The following HMG20B variants were observed in gnomAD, a reference collection of about 807,000 sequenced individuals.
HMG20B encodes SWI/SNF-related matrix-associated actin-dependent regulator of chromatin subfamily E member 1-related.
Under a neutral mutation model 41.6 loss-of-function variants are expected in HMG20B, and 24 were observed. That is an observed-to-expected ratio of 0.58 (90% CI 0.42 to 0.81). The LOEUF (loss-of-function observed/expected upper bound fraction) is 0.81. Among genes scored for constraint, HMG20B ranks in the 30% least tolerant of loss-of-function variants. HMG20B has a pLI of 0.00. For missense variants in HMG20B, 461 were observed against 444.0 expected (o/e 1.04, Z -0.34); for synonymous variants, 251 against 186.6 (o/e 1.34, Z -2.81).
At chr19:3,573,460 C>T (rs2032084672) in intron 2 of HMG20B, 113 bp downstream of exon 2, 1 of 1,172,242 alleles carries the variant, frequency 8.5e-7, no homozygotes, top group South Asian at 1.6e-5. Flanking sequence ...CCACCTGGGT[C>T]AGGGGGCTTC....
chr19:3,577,861 G>A lies in HMG20B; in HGVS notation c.809-120G>A, dbSNP rs1457019525. On this transcript the variant is annotated intron_variant, in intron 8 of 9. Coordinates refer to ENST00000333651, the MANE Select transcript of HMG20B (RefSeq NM_006339.3). ...CACCCTGCGCCGCTCCTGCGCTGGC[G>A]GTGTCCGGACCTCTGAGCGCCCGCG... is the stretch of plus-strand genomic sequence containing the variant. The A allele has an allele frequency of 5.7e-6, 5 of 869,762 alleles. No homozygotes were observed. The African/African-American group carries it at 6.9e-5, about 12-fold the overall frequency. The allele number at this position is 869,762 out of a possible 1,614,324, so 53.9% of individuals were successfully genotyped here.
At position 3,574,594 on chromosome 19, in the gene HMG20B, GGGCGGGGCGCCGAGCAGGGCT is replaced by G. The variant is rs1568271837; in HGVS notation, c.351+16_351+36del. On this transcript the variant is annotated intron_variant, in intron 4 of 9. Coordinates refer to ENST00000333651, the MANE Select transcript of HMG20B (RefSeq NM_006339.3). The stretch of plus-strand genomic sequence containing the variant: ...CAGCCAACGGAAAAGCAGGTGGGCG[GGGCGGGGCGCCGAGCAGGGCT>G]GGCGGGGTCCACGGACTACCCCCCA... 1 of 1,583,708 alleles carries G rather than the reference GGGCGGGGCGCCGAGCAGGGCT, an allele frequency of 6.3e-7. No homozygotes were observed. Among genetic ancestry groups the G allele is most frequent in the Non-Finnish European group, 8.6e-7 (1 of 1,168,110 alleles).
In HMG20B at chr19:3,575,520, C is replaced by T. The variant is rs750095954; in HGVS notation, c.352-20C>T. The T allele has an allele frequency of 6.4e-7, 1 of 1,561,802 alleles. No individual in the cohort carries two copies. Among genetic ancestry groups the T allele is most frequent in the Admixed American group, 1.9e-5 (1 of 52,362 alleles). ...GTTGGAGGCTTCCCCTGCTTCAAGC[C>T]TTCTGGTGCTGCCCCCCAGCGGTAC... is the stretch of plus-strand genomic sequence containing the variant. On this transcript the variant is annotated intron_variant, in intron 4 of 9. Coordinates refer to ENST00000333651, the MANE Select transcript of HMG20B (RefSeq NM_006339.3).
Position 3,578,807 on chromosome 19 carries a change from GGGCCAC to G in HMG20B, c.*287_*292del. 1.4e-6 allele frequency: 1 copy of G among 708,552 alleles called. No individual in the cohort carries two copies. Among genetic ancestry groups the G allele is most frequent in the Admixed American group, 1.8e-5 (1 of 54,302 alleles). 43.9% of individuals were successfully genotyped at this position (708,552 alleles called of 1,614,324 possible). A position where few individuals can be genotyped will look rare whatever the true frequency, so the allele number is the denominator to read the frequency against. On this transcript the variant is annotated 3_prime_UTR_variant, in exon 10 of 10. Coordinates refer to ENST00000333651, the MANE Select transcript of HMG20B (RefSeq NM_006339.3). Reference sequence around the variant, plus strand: ...CAGCCACGCGCTACACTGGCTCTCCGGGCCACCCCCAGGACACAGGGCAGACGAAAC... The same window carrying G: ...CAGCCACGCGCTACACTGGCTCTCCGCCCCAGGACACAGGGCAGACGAAAC...
At position 3,578,503 on chromosome 19, in the gene HMG20B, T is replaced by A; in HGVS notation, c.942-6T>A. On this transcript the variant is annotated splice_region_variant and splice_polypyrimidine_tract_variant and intron_variant, in intron 9 of 9. Coordinates refer to ENST00000333651, the MANE Select transcript of HMG20B (RefSeq NM_006339.3). Reference sequence around the variant, plus strand: ...CCTCATCCCGGGCCCTCCTCTCTCGTTTCAGCGAGCACCTGTGAGGAGTGG... The same window carrying A: ...CCTCATCCCGGGCCCTCCTCTCTCGATTCAGCGAGCACCTGTGAGGAGTGG... The A allele has an allele frequency of 6.5e-7, 1 of 1,547,622 alleles. No homozygotes were observed. Among genetic ancestry groups the A allele is most frequent in the South Asian group, 1.2e-5 (1 of 82,590 alleles).
intron 8 of HMG20B, among the ~76,000 whole-genome samples, chr19:3,577,597 C>T (rs1196589039): frequency 7.4e-6 from 1 of 134,954 alleles, no homozygotes; most frequent in African/African-American, 2.9e-5. Context: ...TCCCATTCAC[C>T]CCACCTCCCC....
rs768347917 is a variant in HMG20B, at chr19:3,576,413, G to A, written c.519+106G>A. ...CGCCCAGATGTGTGCAAGCAGGGGC[G>A]GTGCCACTGCACCGTGGGATCGCTG... On this transcript the variant is annotated intron_variant, in intron 6 of 9. Coordinates refer to ENST00000333651, the MANE Select transcript of HMG20B (RefSeq NM_006339.3). The A allele has an allele frequency of 1.8e-5, 25 of 1,352,626 alleles. 1 individual carries two copies. Among genetic ancestry groups the A allele is most frequent in the South Asian group, 8.2e-5 (7 of 85,608 alleles). The allele number at this position is 1,352,626 out of a possible 1,614,324, so 83.8% of individuals were successfully genotyped here. A position where few individuals can be genotyped will look rare whatever the true frequency, so the allele number is the denominator to read the frequency against.
intron 7 of HMG20B, 81 bp downstream of exon 7, chr19:3,576,706 C>A: frequency 7.3e-7 from 1 of 1,368,284 alleles, no homozygotes; most frequent in Non-Finnish European, 1.0e-6. Flanking sequence ...GGCCCCAAGA[C>A]TGCAGGAGGC....
Position 3,577,084 on chromosome 19 carries a change from G to A in HMG20B, c.785G>A (p.Ser262Asn), listed in dbSNP as rs1420407810. Residue 262 changes from serine to asparagine, a missense_variant, in exon 8 of 10, where the codon AGC (serine) becomes AAC (asparagine). Ser to Asn is a conservative substitution (Grantham distance 46). Around this residue, in one of 3 missense-constraint regions of HMG20B, gnomAD observed 308 missense variants for 283.4 expected, o/e 1.09. Transcript: ENST00000333651. The part of the protein sequence containing the change: ...LQAVRQALTA[S>N]FASLPVPGTG... Reference sequence around the variant, plus strand: ...GCCGTGCGCCAGGCGCTCACCGCCAGCTTCGCCTCACTGCCGGTGCCGGGT... The same window carrying A: ...GCCGTGCGCCAGGCGCTCACCGCCAACTTCGCCTCACTGCCGGTGCCGGGT... 4 of 1,538,642 alleles carry A rather than the reference G, an allele frequency of 2.6e-6. No individual in the cohort carries two copies. The African/African-American group carries it at 4.1e-5, about 16-fold the overall frequency.
intron 7 of HMG20B, 55 bp from the exon 8 acceptor site, chr19:3,576,837 C>G: frequency 6.5e-7 from 1 of 1,536,830 alleles, no homozygotes; most frequent in Non-Finnish European, 8.8e-7. Flanking sequence ...GGGCAAAAGC[C>G]CGGAGGTAGG....
At chr19:3,574,660 G>A in intron 4 of HMG20B, 74 bp downstream of exon 4, 2 of 1,326,660 alleles carry the variant, frequency 1.5e-6, no homozygotes, top group Non-Finnish European at 2.0e-6. Context: ...ACCCCCAAAG[G>A]ATTCCACGTG....
In HMG20B at chr19:3,576,546, G is replaced by A; in HGVS notation, c.520-7G>A. On this transcript the variant is annotated splice_polypyrimidine_tract_variant and splice_region_variant and intron_variant, in intron 6 of 9. Coordinates refer to ENST00000333651, the MANE Select transcript of HMG20B (RefSeq NM_006339.3). ...CAGTAAATTGCCACCTTGTCCCTTCGTCTTAGGGTGGGGACTGCGATGGCT... is the reference window on the plus strand; with the variant it reads ...CAGTAAATTGCCACCTTGTCCCTTCATCTTAGGGTGGGGACTGCGATGGCT... 6.2e-7 allele frequency: 1 copy of A among 1,612,058 alleles called. No individual in the cohort carries two copies. The highest frequency in any genetic ancestry group is 8.5e-7 in the Non-Finnish European group (1 of 1,178,868).
Position 3,578,753 on chromosome 19 carries a change from C to T in HMG20B, c.*232C>T. 1.3e-6 allele frequency: 1 copy of T among 759,878 alleles called. No homozygotes were observed. The highest frequency in any genetic ancestry group is 2.4e-6 in the Non-Finnish European group (1 of 424,320). The allele number at this position is 759,878 out of a possible 1,614,324, so 47.1% of individuals were successfully genotyped here. On this transcript the variant is annotated 3_prime_UTR_variant, in exon 10 of 10. Transcript: ENST00000333651. ...CTGCGCGATACACCCAGAAGAACCT[C>T]ACAGCCGAGGGTGCCCCTCCTCGGA...
chr19:3,575,943 CAAAAA>C (rs71166913), intron 5 of HMG20B: 104 of 289,372 alleles, frequency 3.6e-4, no homozygotes, highest in Middle Eastern at 9.8e-4. Flanking sequence ...GACTCCGTCT[CAAAAA>C]AAAAAAAAAA....
chr19:3,578,282 G>A (rs2032217446), intron 9 of HMG20B, 169 bp downstream of exon 9: 6 of 1,151,586 alleles, frequency 5.2e-6, no homozygotes, highest in Non-Finnish European at 7.2e-6. Context: ...TGCTAGGATG[G>A]CCATGGAGAA....
At chr19:3,578,336 A>G (rs1376263425) in intron 9 of HMG20B, 173 bp from the exon 10 acceptor site, 1 of 1,165,920 alleles carries the variant, frequency 8.6e-7, no homozygotes, top group Non-Finnish European at 1.2e-6. Context: ...GAACTTCCCT[A>G]AAGCTTCTCA....
At chr19:3,573,986 C>T (rs1355695084) in intron 3 of HMG20B, 186 bp downstream of exon 3, 2 of 708,382 alleles carry the variant, frequency 2.8e-6, no homozygotes, top group Non-Finnish European at 5.1e-6. Context: ...AAGTCCAGGC[C>T]CCGCCCACCG....
At position 3,579,002 on chromosome 19, in the gene HMG20B, C is replaced by T. The variant is rs1443; in HGVS notation, c.*481C>T. Reference sequence around the variant, plus strand: ...TTTGCCCATCCTGCTCTCCTCCAGCCGAGGGACCCTGGTGGGGGTGGCTCC... The same window carrying T: ...TTTGCCCATCCTGCTCTCCTCCAGCTGAGGGACCCTGGTGGGGGTGGCTCC... On this transcript the variant is annotated 3_prime_UTR_variant, in exon 10 of 10. Transcript: ENST00000333651. This position sits in a 1 kb window ranked among gnomAD's most constrained non-coding sequence, Gnocchi z 7.4. 0.13 allele frequency: 46,487 copies of T among 352,398 alleles called. 3,802 individuals are homozygous for T. Among genetic ancestry groups the T allele is most frequent in the Non-Finnish European group, 0.18 (32,701 of 177,196 alleles). 21.8% of individuals were successfully genotyped at this position (352,398 alleles called of 1,614,324 possible).
rs928375428 is a variant in HMG20B at position 3,574,652 on chromosome 19, C to T, written c.351+66C>T. ...CGGACTACCCCCCAGTAGCCCCGACCCCCAAAGGATTCCACGTGCAGGGTT... is the reference window on the plus strand; with the variant it reads ...CGGACTACCCCCCAGTAGCCCCGACTCCCAAAGGATTCCACGTGCAGGGTT... On this transcript the variant is annotated intron_variant, in intron 4 of 9. Transcript: ENST00000333651. 6.4e-6 allele frequency: 9 copies of T among 1,399,100 alleles called. No homozygotes were observed. The Admixed American group carries it at 1.2e-4, about 18-fold the overall frequency. 86.7% of individuals were successfully genotyped at this position (1,399,100 alleles called of 1,614,324 possible).
Sources: allele counts gnomAD v4.1 joint callset (sites outside exome capture counted in the v4.1 genomes callset), GRCh38; gene constraint gnomAD v4.1.1; regional missense constraint gnomAD v4.1.1; non-coding constraint Gnocchi (gnomAD v3.1); transcripts MANE v1.5; gene names NCBI Gene and HGNC (gene_info 2026-07-23, HGNC 2026-07-21).